ADHFE1: variants seen among roughly 807,000 people sequenced by gnomAD.
ADHFE1 encodes hydroxyacid-oxoacid transhydrogenase, mitochondrial.
ADHFE1 carries 37 observed loss-of-function variants against 54.8 expected under a neutral mutation model. That is an observed-to-expected ratio of 0.68 (90% CI 0.52 to 0.89). The LOEUF (loss-of-function observed/expected upper bound fraction) is 0.89. Among genes scored for constraint, ADHFE1 ranks in the 40% least tolerant of loss-of-function variants. The pLI is 0.00. For synonymous variants in ADHFE1, 203 were observed against 229.3 expected, an observed-to-expected ratio of 0.89 and a Z score of 1.04; for missense variants, 601 against 591.2, an observed-to-expected ratio of 1.02 and a Z score of -0.17.
intron 9 of ADHFE1, 161 bp from the exon 10 acceptor site, chr8:66,453,898 C>A: frequency 1.3e-6 from 2 of 1,495,612 alleles, no homozygotes; most frequent in Admixed American, 4.4e-5. Flanking sequence ...CTTCAGTTTT[C>A]ATTTAGAAGA....
At chr8:66,433,878 T>C (rs529985850) in intron 1 of ADHFE1, among the ~76,000 whole-genome samples, 3 of 152,278 alleles carry the variant, frequency 2.0e-5, no homozygotes, top group Non-Finnish European at 4.4e-5. Context: ...TTTTTGGTTG[T>C]AAACCTGTGT....
At chr8:66,442,898 CTA>C (rs1554562780) in intron 3 of ADHFE1, 54 bp downstream of exon 3, 4 of 1,363,806 alleles carry the variant, frequency 2.9e-6, no homozygotes, top group South Asian at 1.3e-5. Flanking sequence ...AAAAATAAAA[CTA>C]GAATATTTTG....
rs529246104 is a variant in ADHFE1, at chr8:66,457,117, C to T, written c.1113C>T (p.Phe371=). 31 of 1,613,934 alleles carry T rather than the reference C, an allele frequency of 1.9e-5. No individual in the cohort carries two copies. The highest frequency in any genetic ancestry group is 1.6e-4 in the South Asian group (15 of 91,042). ...TCACGTCCCCAGCGGTGTTCACTTTCACGGCCCAGATGTTTCCAGAGCGAC... is the reference window on the plus strand; with the variant it reads ...TCACGTCCCCAGCGGTGTTCACTTTTACGGCCCAGATGTTTCCAGAGCGAC... ...VVLTSPAVFT[F]TAQMFPERHL... The change falls in exon 12 of 14, where the codon TTC becomes TTT. Residue 371 remains phenylalanine (F), a synonymous_variant. Coordinates refer to ENST00000396623, the MANE Select transcript of ADHFE1 (RefSeq NM_144650.3).
At chr8:66,449,777 A>G (rs997824673) in intron 8 of ADHFE1, among the ~76,000 whole-genome samples, 1 of 152,318 alleles carries the variant, frequency 6.6e-6, no homozygotes, top group Non-Finnish European at 1.5e-5. Context: ...ACATAACTTA[A>G]AATCTGTGGC....
intron 1 of ADHFE1, among the ~76,000 whole-genome samples, chr8:66,438,239 T>C (rs1192143297): frequency 6.6e-6 from 1 of 152,136 alleles, no homozygotes; most frequent in Non-Finnish European, 1.5e-5. Flanking sequence ...TGAGAGGTGA[T>C]ACTGGAACCA....
In ADHFE1 at chr8:66,447,286, G is replaced by C. The variant is rs886120542; in HGVS notation, c.573G>C (p.Gly191=). The C allele has an allele frequency of 1.9e-6, 3 of 1,613,282 alleles. No homozygotes were observed. The African/African-American group carries it at 4.0e-5, about 22-fold the overall frequency. Residue 191 remains glycine (G), a synonymous_variant, in exon 7 of 14, where the codon GGG becomes GGC. Transcript: ENST00000396623. ...AAGTGCCAACTACCTCAGGAACCGGGAGTGAAACTACTGGGGTTGCCATTT... is the reference window on the plus strand; with the variant it reads ...AAGTGCCAACTACCTCAGGAACCGGCAGTGAAACTACTGGGGTTGCCATTT... ...LIAVPTTSGT[G]SETTGVAIFD...
At chr8:66,441,501 A>G (rs750648214) in intron 2 of ADHFE1, among the ~76,000 whole-genome samples, 1 of 152,136 alleles carries the variant, frequency 6.6e-6, no homozygotes, top group Non-Finnish European at 1.5e-5. Flanking sequence ...CTTCTGATCT[A>G]TTTTCCTTAA....
At position 66,448,944 on chromosome 8, in the gene ADHFE1, C is replaced by G; in HGVS notation, c.708C>G (p.Val236=). Residue 236 remains valine, a synonymous_variant, in exon 8 of 14, where the codon GTC becomes GTG. Transcript: ENST00000396623. Reference sequence around the variant, plus strand: ...CCCTCCACATGCCTGCCCGAGTGGTCGCCAACAGTGGCTTTGATGTGCTTT... The same window carrying G: ...CCCTCCACATGCCTGCCCGAGTGGTGGCCAACAGTGGCTTTGATGTGCTTT... ...LHTLHMPARV[V]ANSGFDVLCH... The G allele has an allele frequency of 1.2e-6, 2 of 1,614,030 alleles. No homozygotes were observed. The highest frequency in any genetic ancestry group is 1.7e-6 in the Non-Finnish European group (2 of 1,180,008).
chr8:66,445,537 C>A, intron 6 of ADHFE1, 123 bp downstream of exon 6: 1 of 905,964 alleles, frequency 1.1e-6, no homozygotes, highest in Non-Finnish European at 1.6e-6. Context: ...CATTTCAAAT[C>A]AATGCCTTGT....
rs1039759064 is a variant in ADHFE1 at position 66,440,294 on chromosome 8, A to G, written c.97+95A>G. ...TAGTGTATGTAAAGAAAACCAAGGCATGTGAGAGCAAGGTCCATGAAAACA... is the reference window on the plus strand; with the variant it reads ...TAGTGTATGTAAAGAAAACCAAGGCGTGTGAGAGCAAGGTCCATGAAAACA... On this transcript the variant is annotated intron_variant, in intron 2 of 13. Coordinates refer to ENST00000396623, the MANE Select transcript of ADHFE1 (RefSeq NM_144650.3). The G allele has an allele frequency of 7.8e-6, 9 of 1,151,830 alleles. No homozygotes were observed. The African/African-American group carries it at 9.4e-5, about 12-fold the overall frequency. 71.4% of individuals were successfully genotyped at this position (1,151,830 alleles called of 1,614,324 possible). A position where few individuals can be genotyped will look rare whatever the true frequency, so the allele number is the denominator to read the frequency against.
At chr8:66,454,545 A>C (rs565714695) in intron 10 of ADHFE1, among the ~76,000 whole-genome samples, 1 of 152,258 alleles carries the variant, frequency 6.6e-6, no homozygotes, top group African/African-American at 2.4e-5. Context: ...CACCCATTTA[A>C]AATGTACAGA....
At position 66,459,431 on chromosome 8, in the gene ADHFE1, T is replaced by TATATATATATATATA. The variant is rs60104059; in HGVS notation, c.1163-877_1163-876insATATATATATATATA. On this transcript the variant is annotated intron_variant, in intron 12 of 13. Transcript: ENST00000396623. Reference sequence around the variant, plus strand: ...TTTATTATATATATATATATATATATTTTTTTTTTTTTTTTAACAGAGACA... The same window carrying TATATATATATATATA: ...TTTATTATATATATATATATATATATATATATATATATATATTTTTTTTTTTTTTTAACAGAGACA... 178 of 95,404 alleles carry TATATATATATATATA rather than the reference T, an allele frequency of 1.9e-3. 1 individual carries two copies. The highest frequency in any genetic ancestry group is 7.3e-3 in the African/African-American group (165 of 22,638). The allele number at this position is 95,404 out of a possible 1,614,324, so 5.9% of individuals were successfully genotyped here. A position where few individuals can be genotyped will look rare whatever the true frequency, so the allele number is the denominator to read the frequency against.
intron 12 of ADHFE1, 95 bp downstream of exon 12, chr8:66,457,261 T>G (rs1221280647): frequency 2.5e-6 from 3 of 1,178,716 alleles, no homozygotes; most frequent in African/African-American, 3.0e-5. Flanking sequence ...GGTGCATCAC[T>G]TGAGCCCAGG....
At position 66,461,759 on chromosome 8, in the gene ADHFE1, G is replaced by T. The variant is rs1035814857; in HGVS notation, c.1320+1294G>T. 1.3e-4 allele frequency among the ~76,000 whole-genome samples: 20 copies of T among 152,080 alleles called. 2 individuals carry two copies. The highest frequency in any genetic ancestry group is 1.2e-3 in the Admixed American group (19 of 15,262). ...AGAAAAATCAGCAATCCGGATGTTT[G>T]TGTTGAATTCCCTGGTTTCCAATGC... is the stretch of plus-strand genomic sequence containing the variant. On this transcript the variant is annotated intron_variant, in intron 13 of 13. Transcript: ENST00000396623.
chr8:66,442,201 T>C (rs1337674359), intron 2 of ADHFE1, among the ~76,000 whole-genome samples: 1 of 152,176 alleles, frequency 6.6e-6, no homozygotes, highest in Non-Finnish European at 1.5e-5. Flanking sequence ...GGGATTTTTT[T>C]CCTAGAGGAT....
At chr8:66,432,701 C>A in intron 1 of ADHFE1, 126 bp downstream of exon 1, 1 of 1,233,736 alleles carries the variant, frequency 8.1e-7, no homozygotes, top group Admixed American at 4.2e-5. Context: ...ATTTGGATAC[C>A]GCCCTGGGCT....
chr8:66,460,290 G>A lies in ADHFE1; in HGVS notation c.1163-18G>A. The A allele has an allele frequency of 6.2e-7, 1 of 1,613,546 alleles. No homozygotes were observed. The highest frequency in any genetic ancestry group is 8.5e-7 in the Non-Finnish European group (1 of 1,179,888). On this transcript the variant is annotated intron_variant, in intron 12 of 13. Coordinates refer to ENST00000396623, the MANE Select transcript of ADHFE1 (RefSeq NM_144650.3). Reference sequence around the variant, plus strand: ...GTTTCTTCCTCTCTCCCTACAGTCAGCACTTTATGTCTTCTAGGAGCCGAC... The same window carrying A: ...GTTTCTTCCTCTCTCCCTACAGTCAACACTTTATGTCTTCTAGGAGCCGAC...
At chr8:66,458,473 A>G (rs1806712935) in intron 12 of ADHFE1, among the ~76,000 whole-genome samples, 1 of 152,168 alleles carries the variant, frequency 6.6e-6, no homozygotes, top group African/African-American at 2.4e-5. Context: ...CGGACTGGAG[A>G]TGTTGTTCAG....
rs200864463 is a variant in ADHFE1, at chr8:66,440,130, G to GTT, written c.60-25_60-24dup. The GTT allele has an allele frequency of 2.5e-6, 4 of 1,600,592 alleles. No individual in the cohort carries two copies. The African/African-American group carries it at 4.1e-5, about 16-fold the overall frequency. ...TTTTTGGTCTCTATTTTCACCTTAG[G>GTT]TTTTTTTTGCTGTCGTTTTTATTTT... On this transcript the variant is annotated intron_variant, in intron 1 of 13. Transcript: ENST00000396623.
Sources: gnomAD v4.1 joint callset for allele counts (sites outside exome capture counted in the v4.1 genomes callset) on GRCh38, gnomAD v4.1.1 for gene constraint, MANE v1.5 for transcripts, NCBI Gene and HGNC (gene_info 2026-07-23, HGNC 2026-07-21) for gene names.